The following ANXA4 variants were observed in gnomAD, a reference collection of about 807,000 sequenced individuals.
The protein encoded by ANXA4 is 35-beta calcimedin.
ANXA4 carries 39 observed loss-of-function variants against 49.8 expected under a neutral mutation model. The ratio of observed to expected loss-of-function variants is 0.78; its 90% confidence interval spans 0.61 to 1.02. The LOEUF is 1.02. Among genes scored for constraint, ANXA4 ranks in the 50% least tolerant of loss-of-function variants. The probability of loss-of-function intolerance (pLI) is 0.00; values close to 1 mark genes in which losing one functional copy is unlikely to be tolerated. For synonymous variants in ANXA4, 134 were observed against 152.5 expected (o/e 0.88, Z 0.89); for missense variants, 360 against 410.1 (o/e 0.88, Z 1.05).
chr2:69,780,324 A>G (rs747744198), intron 1 of ANXA4, among the ~76,000 whole-genome samples: 8 of 152,014 alleles, frequency 5.3e-5, no homozygotes, highest in Non-Finnish European at 7.4e-5. Flanking sequence ...CCTCCCAAGT[A>G]TCTGGAATTA....
At chr2:69,651,497 C>CTTG (rs560996241) in intron 1 of ANXA4, among the ~76,000 whole-genome samples, 39 of 151,774 alleles carry the variant, frequency 2.6e-4, no homozygotes, top group Non-Finnish European at 3.1e-4. Flanking sequence ...ATCCATTTGT[C>CTTG]TTGTTGTTGT....
chr2:69,710,171 G>A (rs1343079929), intron 2 of ANXA4, among the ~76,000 whole-genome samples: 3 of 151,816 alleles, frequency 2.0e-5, no homozygotes, highest in Non-Finnish European at 4.4e-5. Flanking sequence ...ATTTTTAGTA[G>A]AGACAGGGTT....
chr2:69,818,655 G>C lies in ANXA4; in HGVS notation c.685G>C (p.Glu229Gln), dbSNP rs34461855. ...GGATATTGAACAGAGTATTAAATCT[G>C]AAACATCTGGTAGCTTTGAAGATGC... ...QKDIEQSIKS[E>Q]TSGSFEDALL... The change falls in exon 10 of 13, where the codon GAA becomes CAA. Residue 229 changes from glutamate (E) to glutamine (Q), a missense_variant. Transcript: ENST00000394295. The C allele has an allele frequency of 1.5e-3, 2,397 of 1,610,486 alleles. 7 individuals are homozygous for C. Among genetic ancestry groups the C allele is most frequent in the South Asian group, 2.5e-3 (227 of 90,452 alleles).
chr2:69,660,201 C>G (rs1422741515), intron 2 of ANXA4, among the ~76,000 whole-genome samples: 1 of 152,172 alleles, frequency 6.6e-6, no homozygotes, highest in Non-Finnish European at 1.5e-5. Context: ...CCCAGACCTG[C>G]TTTTCACATT....
chr2:69,769,653 A>G (rs982908469), intron 1 of ANXA4, among the ~76,000 whole-genome samples: 2 of 152,154 alleles, frequency 1.3e-5, no homozygotes, highest in Admixed American at 6.5e-5. Flanking sequence ...GTTTTAAATT[A>G]TATGTAAAAT....
At chr2:69,695,077 G>A (rs779641919) in intron 2 of ANXA4, among the ~76,000 whole-genome samples, 2 of 152,034 alleles carry the variant, frequency 1.3e-5, no homozygotes, top group African/African-American at 2.4e-5. Flanking sequence ...CCAGGAGGTC[G>A]AGGTTGCAGA....
chr2:69,815,783 C>A (rs72839870), intron 8 of ANXA4: 56,811 of 277,120 alleles, frequency 0.21, 6,473 homozygotes, highest in African/African-American at 0.3. Context: ...ATTTAAACAG[C>A]CACATGTGGT....
chr2:69,823,933 G>A (rs1050442268), intron 12 of ANXA4, among the ~76,000 whole-genome samples: 1 of 151,976 alleles, frequency 6.6e-6, no homozygotes, highest in Admixed American at 6.6e-5. Flanking sequence ...ATTAATCTAG[G>A]CCAGGTGCAG....
At chr2:69,737,978 A>G (rs1670286220), upstream of ANXA4, among the ~76,000 whole-genome samples, 1 of 152,210 alleles carries the variant, frequency 6.6e-6, no homozygotes, top group African/African-American at 2.4e-5. Flanking sequence ...GAAAGAAAAA[A>G]AAGACAGGAC....
chr2:69,751,733 A>G (rs955042564), intron 1 of ANXA4, among the ~76,000 whole-genome samples: 2 of 152,094 alleles, frequency 1.3e-5, no homozygotes, highest in East Asian at 1.9e-4. Flanking sequence ...GTGCTGCATC[A>G]TGACTCTGGT....
At chr2:69,755,853 A>G in intron 1 of ANXA4, among the ~76,000 whole-genome samples, 1 of 152,354 alleles carries the variant, frequency 6.6e-6, no homozygotes, top group East Asian at 1.9e-4. Flanking sequence ...TTATATTGAA[A>G]TATGAATATT....
chr2:69,709,426 C>T (rs1678605986), intron 2 of ANXA4, among the ~76,000 whole-genome samples: 1 of 152,144 alleles, frequency 6.6e-6, no homozygotes, highest in Non-Finnish European at 1.5e-5. Flanking sequence ...TCATTAACTG[C>T]CTGCATTGCT....
chr2:69,804,273 A>G (rs1403037216), intron 3 of ANXA4, among the ~76,000 whole-genome samples: 1 of 152,150 alleles, frequency 6.6e-6, no homozygotes, highest in Non-Finnish European at 1.5e-5. Flanking sequence ...AATCACTGTC[A>G]TCATTCACAT....
At chr2:69,736,380 G>C (rs1467395326) in intron 3 of ANXA4, among the ~76,000 whole-genome samples, 1 of 152,150 alleles carries the variant, frequency 6.6e-6, no homozygotes, top group Non-Finnish European at 1.5e-5. Flanking sequence ...TACTCTATGA[G>C]AGTATCTAAC....
intron 2 of ANXA4, among the ~76,000 whole-genome samples, chr2:69,684,581 A>T (rs974124051): frequency 9.2e-5 from 14 of 151,564 alleles, no homozygotes; most frequent in African/African-American, 3.4e-4. Flanking sequence ...CCAGCTACTC[A>T]GGAGGTTCCA....
chr2:69,783,303 C>T (rs1333155379), intron 2 of ANXA4, among the ~76,000 whole-genome samples: 2 of 152,120 alleles, frequency 1.3e-5, no homozygotes, highest in African/African-American at 2.4e-5. Flanking sequence ...CTACCACCTC[C>T]GTCGTAGGTT....
At chr2:69,763,993 A>G (rs1051177318) in intron 1 of ANXA4, among the ~76,000 whole-genome samples, 3 of 152,026 alleles carry the variant, frequency 2.0e-5, no homozygotes, top group Non-Finnish European at 4.4e-5. Flanking sequence ...CTCTTCTTTT[A>G]TCTCTAAGAC....
chr2:69,735,116 T>G (rs1046718941), intron 3 of ANXA4, among the ~76,000 whole-genome samples: 1 of 152,224 alleles, frequency 6.6e-6, no homozygotes, highest in African/African-American at 2.4e-5. Context: ...TAACTGCTTT[T>G]GCTCATTCCT....
chr2:69,764,998 T>C (rs138038042), intron 1 of ANXA4, among the ~76,000 whole-genome samples: 26 of 152,312 alleles, frequency 1.7e-4, no homozygotes, highest in African/African-American at 6.0e-4. Context: ...ATCAGTGTTA[T>C]AGCATGTGGC....
Sources: allele counts gnomAD v4.1 joint callset (sites outside exome capture counted in the v4.1 genomes callset), GRCh38; gene constraint gnomAD v4.1.1; transcripts MANE v1.5; gene names NCBI Gene and HGNC (gene_info 2026-07-23, HGNC 2026-07-21).